Variants in ADGRB3 observed in about 807,000 individuals in gnomAD.
ADGRB3 encodes the protein adhesion G protein-coupled receptor B3.
Under a neutral mutation model 193.4 loss-of-function variants are expected in ADGRB3, and 37 were observed. The ratio of observed to expected loss-of-function variants is 0.19; its 90% confidence interval spans 0.15 to 0.25. The LOEUF is 0.25. Ranked by LOEUF, ADGRB3 falls within the 10% of genes least tolerant of loss-of-function variation. The pLI is 1.00. For missense variants in ADGRB3, 1,637 were observed against 1,852.9 expected (o/e 0.88, Z 2.14); for synonymous variants, 690 against 644.2 (o/e 1.07, Z -1.08).
intron 3 of ADGRB3, among the ~76,000 whole-genome samples, chr6:68,705,467 T>C (rs1028711898): frequency 6.6e-6 from 1 of 152,230 alleles, no homozygotes; most frequent in East Asian, 1.9e-4. Context: ...CCTCCTTTCC[T>C]TTTTAATATA....
At chr6:69,020,002 G>A (rs1173044636) in intron 13 of ADGRB3, among the ~76,000 whole-genome samples, 1 of 151,954 alleles carries the variant, frequency 6.6e-6, no homozygotes, top group Non-Finnish European at 1.5e-5. Flanking sequence ...GCACGTGGAA[G>A]GAATCTAGCA....
At chr6:69,364,426 C>T (rs1359224774) in intron 29 of ADGRB3, among the ~76,000 whole-genome samples, 1 of 152,036 alleles carries the variant, frequency 6.6e-6, no homozygotes, top group African/African-American at 2.4e-5. Context: ...TCAGTGCCAG[C>T]ACAACAGCTT....
At chr6:68,677,662 C>A (rs1379003626) in intron 3 of ADGRB3, among the ~76,000 whole-genome samples, 1 of 151,636 alleles carries the variant, frequency 6.6e-6, no homozygotes, top group East Asian at 1.9e-4. Flanking sequence ...GGACGACAGA[C>A]GCGCACCAAC....
At chr6:68,875,532 A>G (rs1320519116) in intron 3 of ADGRB3, among the ~76,000 whole-genome samples, 1 of 151,772 alleles carries the variant, frequency 6.6e-6, no homozygotes, top group African/African-American at 2.4e-5. Flanking sequence ...TTAGTACTGG[A>G]CTTTTCTTAT....
intron 10 of ADGRB3, among the ~76,000 whole-genome samples, chr6:68,980,475 A>G (rs1768876718): frequency 6.6e-6 from 1 of 151,518 alleles, no homozygotes; most frequent in Admixed American, 6.6e-5. Flanking sequence ...AACTCCTCAC[A>G]TATCACACTT....
At chr6:68,879,094 T>C (rs1765666585) in intron 3 of ADGRB3, among the ~76,000 whole-genome samples, 1 of 152,068 alleles carries the variant, frequency 6.6e-6, no homozygotes, top group Non-Finnish European at 1.5e-5. Context: ...ATAAGCAAGA[T>C]AAATGATTTA....
At chr6:69,224,310 A>G (rs905134804) in intron 17 of ADGRB3, among the ~76,000 whole-genome samples, 1 of 152,150 alleles carries the variant, frequency 6.6e-6, no homozygotes, top group Non-Finnish European at 1.5e-5. Flanking sequence ...TTTTGTCCAG[A>G]TCACTTGAAA....
intron 20 of ADGRB3, among the ~76,000 whole-genome samples, chr6:69,255,277 C>T (rs13208260): frequency 5.3e-5 from 8 of 152,226 alleles, no homozygotes; most frequent in South Asian, 2.1e-4. Context: ...CCTGAGGAAT[C>T]GCCACACTGA....
intron 8 of ADGRB3, among the ~76,000 whole-genome samples, chr6:68,969,795 A>G (rs1237460180): frequency 1.3e-5 from 2 of 152,170 alleles, no homozygotes; most frequent in Non-Finnish European, 2.9e-5. Context: ...AAAGCCATCA[A>G]TGTTTCAGGG....
intron 15 of ADGRB3, among the ~76,000 whole-genome samples, chr6:69,059,001 A>G (rs956707115): frequency 6.6e-6 from 1 of 152,012 alleles, no homozygotes; most frequent in Non-Finnish European, 1.5e-5. Flanking sequence ...TTTTCTTATT[A>G]ATTTTCTGTC....
At chr6:69,213,153 C>T (rs1027992467) in intron 17 of ADGRB3, among the ~76,000 whole-genome samples, 2 of 152,142 alleles carry the variant, frequency 1.3e-5, no homozygotes, top group Admixed American at 1.3e-4. Flanking sequence ...AATTCAAGTA[C>T]TTGTTCATAT....
Position 68,928,040 on chromosome 6 carries a change from GTAGGATATTGAAATTTAATTTC to G in ADGRB3, c.758-2497_758-2476del, listed in dbSNP as rs569911423. Among the ~76,000 whole-genome samples the G allele has an allele frequency of 1.8e-4, 28 of 151,562 alleles. No homozygotes were observed. The East Asian group carries it at 4.8e-3, about 26-fold the overall frequency. On this transcript the variant is annotated intron_variant, in intron 3 of 31. Coordinates refer to ENST00000370598, the MANE Select transcript of ADGRB3 (RefSeq NM_001704.3). ...ATTGATAAGTGGAAATAACTACGGTGTAGGATATTGAAATTTAATTTCTAGGATATTGAAATTTAATTTGCAT... is the reference window on the plus strand; with the variant it reads ...ATTGATAAGTGGAAATAACTACGGTGTAGGATATTGAAATTTAATTTGCAT...
intron 3 of ADGRB3, among the ~76,000 whole-genome samples, chr6:68,868,434 T>C (rs1311233096): frequency 6.6e-6 from 1 of 152,194 alleles, no homozygotes; most frequent in African/African-American, 2.4e-5. Flanking sequence ...ATCTTCTTTA[T>C]AGCAATGTGA....
chr6:69,281,347 T>C (rs1767431214), intron 20 of ADGRB3, among the ~76,000 whole-genome samples: 1 of 152,176 alleles, frequency 6.6e-6, no homozygotes, highest in African/African-American at 2.4e-5. Context: ...CATTAGTGTT[T>C]CTACTCATTT....
chr6:69,104,983 T>C (rs942829009), intron 17 of ADGRB3, among the ~76,000 whole-genome samples: 8 of 152,204 alleles, frequency 5.3e-5, no homozygotes, highest in Non-Finnish European at 1.2e-4. Flanking sequence ...GAAAAGTGTT[T>C]TAACATTGTA....
chr6:68,688,560 C>T (rs1432886293), intron 3 of ADGRB3, among the ~76,000 whole-genome samples: 1 of 152,158 alleles, frequency 6.6e-6, no homozygotes, highest in Non-Finnish European at 1.5e-5. Context: ...ATTGTTTAGC[C>T]ACTCAGTAGG....
intron 17 of ADGRB3, among the ~76,000 whole-genome samples, chr6:69,081,725 TATG>T (rs1385200188): frequency 2.6e-5 from 4 of 152,094 alleles, no homozygotes; most frequent in Admixed American, 2.0e-4. Context: ...TCATAGATTT[TATG>T]ATTTTAAATC....
chr6:68,934,002 T>A (rs570489853), intron 4 of ADGRB3, among the ~76,000 whole-genome samples: 4 of 152,182 alleles, frequency 2.6e-5, no homozygotes, highest in Non-Finnish European at 5.9e-5. Flanking sequence ...ATTTTTAACA[T>A]CTTTCTTATA....
intron 26 of ADGRB3, among the ~76,000 whole-genome samples, chr6:69,353,791 C>T (rs908049684): frequency 2.0e-5 from 3 of 152,178 alleles, no homozygotes; most frequent in African/African-American, 4.8e-5. Context: ...AGGCAGGGCA[C>T]GGTGGCTCAT....
Sources: allele counts gnomAD v4.1 joint callset (sites outside exome capture counted in the v4.1 genomes callset), GRCh38; gene constraint gnomAD v4.1.1; transcripts MANE v1.5; gene names NCBI Gene and HGNC (gene_info 2026-07-23, HGNC 2026-07-21).